The following STAT5B variants were observed in gnomAD, a reference collection of about 807,000 sequenced individuals.
The protein encoded by STAT5B is transcription factor STAT5B.
In STAT5B, 21 loss-of-function variants were observed where a neutral mutation model predicts 107.8. That is an observed-to-expected ratio of 0.19 (90% CI 0.14 to 0.28). The LOEUF is 0.28. Among genes scored for constraint, STAT5B ranks in the 10% least tolerant of loss-of-function variants. The pLI is 1.00. For missense variants in STAT5B, 565 were observed against 1,008.2 expected (o/e 0.56, Z 5.95); for synonymous variants, 325 against 401.7 (o/e 0.81, Z 2.28).
chr17:42,213,309 T>G (rs1396624637), intron 12 of STAT5B, among the ~76,000 whole-genome samples: 9 of 152,020 alleles, frequency 5.9e-5, no homozygotes. Context: ...TTAGCTCAAG[T>G]AATTATCCTA....
At chr17:42,243,870 A>G (rs2080426464) in intron 1 of STAT5B, among the ~76,000 whole-genome samples, 1 of 151,798 alleles carries the variant, frequency 6.6e-6, no homozygotes, top group African/African-American at 2.4e-5. Context: ...GGTGGCCCAC[A>G]GTGTACATGT....
intron 15 of STAT5B, 125 bp downstream of exon 15, chr17:42,210,046 T>A (rs2080116108): frequency 2.1e-6 from 3 of 1,415,582 alleles, no homozygotes; most frequent in South Asian, 1.2e-5. Context: ...GTCATGGCTA[T>A]ACATTTATGT....
At chr17:42,285,627 C>G in the STAT5B span, among the ~76,000 whole-genome samples, 1 of 152,172 alleles carries the variant, frequency 6.6e-6, no homozygotes, top group Non-Finnish European at 1.5e-5. Context: ...GGAAATCACC[C>G]ACACAAGGGG....
chr17:42,255,848 T>C (rs973951065), intron 1 of STAT5B, among the ~76,000 whole-genome samples: 12 of 152,188 alleles, frequency 7.9e-5, no homozygotes, highest in Non-Finnish European at 1.6e-4. Context: ...CCCAGCACTT[T>C]GGGAGGCCGA....
At chr17:42,284,679 T>G in the STAT5B span, among the ~76,000 whole-genome samples, 1 of 152,218 alleles carries the variant, frequency 6.6e-6, no homozygotes, top group Non-Finnish European at 1.5e-5. Flanking sequence ...AGAATGGAGA[T>G]GCCATGCTCC....
chr17:42,267,675 T>C lies in STAT5B; in HGVS notation c.-11+8573A>G, dbSNP rs1333097053. Reference sequence around the variant, plus strand: ...TTTAAAAGTGTAAAAAAGTAAACAGTTGGCCGGGCACGGCGGCTCACACCT... The same window carrying C: ...TTTAAAAGTGTAAAAAAGTAAACAGCTGGCCGGGCACGGCGGCTCACACCT... On this transcript the variant is annotated intron_variant, in intron 1 of 18. Coordinates refer to ENST00000293328, the MANE Select transcript of STAT5B (RefSeq NM_012448.4). 2.6e-5 allele frequency among the ~76,000 whole-genome samples: 4 copies of C among 152,122 alleles called. No individual in the cohort carries two copies. The East Asian group carries it at 7.7e-4, about 29-fold the overall frequency.
At chr17:42,261,698 C>A (rs2080598077) in intron 1 of STAT5B, among the ~76,000 whole-genome samples, 1 of 151,936 alleles carries the variant, frequency 6.6e-6, no homozygotes, top group Non-Finnish European at 1.5e-5. Context: ...GTAGCTGGGA[C>A]TACAGGCACA....
chr17:42,211,874 G>C (rs182744930), intron 13 of STAT5B, 110 bp downstream of exon 13: 2 of 1,492,266 alleles, frequency 1.3e-6, no homozygotes, highest in Non-Finnish European at 1.8e-6. Context: ...TATTACTTTC[G>C]GTACATTTTA....
intron 4 of STAT5B, among the ~76,000 whole-genome samples, 163 bp from the exon 5 acceptor site, chr17:42,223,719 G>T (rs1005711804): frequency 6.6e-6 from 1 of 152,124 alleles, no homozygotes; most frequent in Admixed American, 6.5e-5. Flanking sequence ...GGGTGGAGTG[G>T]GAAAAGTGAG....
chr17:42,278,904 G>A (rs944911131), upstream of STAT5B, among the ~76,000 whole-genome samples: 6 of 151,864 alleles, frequency 4.0e-5, no homozygotes, highest in Admixed American at 3.3e-4. Flanking sequence ...GCTTGAACCC[G>A]AGAGGCAGAG....
At chr17:42,248,588 A>C (rs199637741) in intron 1 of STAT5B, among the ~76,000 whole-genome samples, 2 of 152,226 alleles carry the variant, frequency 1.3e-5, no homozygotes, top group East Asian at 1.9e-4. Flanking sequence ...GTAGATCTAC[A>C]CACAACTTAG....
rs946392332 is a variant in STAT5B at position 42,200,230 on chromosome 17, GTTTA to G, written c.*1504_*1507del. 2.6e-4 allele frequency: 39 copies of G among 152,820 alleles called. No homozygotes were observed. The highest frequency in any genetic ancestry group is 9.1e-4 in the African/African-American group (38 of 41,558). The allele number at this position is 152,820 out of a possible 1,614,324, so 9.5% of individuals were successfully genotyped here. On this transcript the variant is annotated 3_prime_UTR_variant, in exon 19 of 19. Transcript: ENST00000293328. ...GAAGTTATTTTTGTAAAAAAAATAT[GTTTA>G]TTTACTCTCATGTATAAAAATAAGG...
Position 42,210,511 on chromosome 17 carries a change from C to G in STAT5B, c.1681-14G>C, listed in dbSNP as rs574003292. ...TGGTAAATTCTCCTGGTTGGAGATACAACAGTGAACATAAGAACACCAGAG... is the reference window on the plus strand; with the variant it reads ...TGGTAAATTCTCCTGGTTGGAGATAGAACAGTGAACATAAGAACACCAGAG... On this transcript the variant is annotated splice_polypyrimidine_tract_variant and intron_variant, in intron 13 of 18. Transcript: ENST00000293328. The G allele has an allele frequency of 1.2e-6, 2 of 1,601,854 alleles. No individual in the cohort carries two copies. The highest frequency in any genetic ancestry group is 1.1e-5 in the South Asian group (1 of 90,772).
intron 7 of STAT5B, 141 bp from the exon 8 acceptor site, chr17:42,219,019 G>A (rs2080199545): frequency 1.3e-6 from 1 of 780,876 alleles, no homozygotes; most frequent in African/African-American, 1.8e-5. Flanking sequence ...AGAGCTCCCT[G>A]CCTCCCAGAA....
At chr17:42,263,906 C>T (rs2080642755) in intron 1 of STAT5B, among the ~76,000 whole-genome samples, 1 of 150,946 alleles carries the variant, frequency 6.6e-6, no homozygotes, top group Non-Finnish European at 1.5e-5. Context: ...CACACACACA[C>T]ACACAGGGAA....
At chr17:42,263,298 TATG>T (rs1306510428) in intron 1 of STAT5B, among the ~76,000 whole-genome samples, 2 of 151,918 alleles carry the variant, frequency 1.3e-5, no homozygotes, top group African/African-American at 4.8e-5. Flanking sequence ...TAAATGAAAT[TATG>T]ATGATTTTAA....
chr17:42,209,561 A>C (rs1052440306), intron 15 of STAT5B, among the ~76,000 whole-genome samples: 1 of 152,182 alleles, frequency 6.6e-6, no homozygotes, highest in Non-Finnish European at 1.5e-5. Flanking sequence ...TTTAAAAATT[A>C]GATGGGTGTG....
chr17:42,237,693 T>A (rs969731973), intron 1 of STAT5B, among the ~76,000 whole-genome samples: 1 of 152,176 alleles, frequency 6.6e-6, no homozygotes, highest in African/African-American at 2.4e-5. Flanking sequence ...CGATTCTCCA[T>A]CCTACCCCCC....
the STAT5B span, among the ~76,000 whole-genome samples, chr17:42,283,689 CG>C: frequency 2.0e-5 from 3 of 152,234 alleles, no homozygotes; most frequent in South Asian, 4.1e-4. Flanking sequence ...ACCCAAGCTC[CG>C]GCAGCTCCTT....
Sources: allele counts gnomAD v4.1 joint callset (sites outside exome capture counted in the v4.1 genomes callset), GRCh38; gene constraint gnomAD v4.1.1; transcripts MANE v1.5; gene names NCBI Gene and HGNC (gene_info 2026-07-23, HGNC 2026-07-21).